Variants in OR4C6 observed in about 807,000 individuals in gnomAD.
OR4C6 encodes olfactory receptor 4C6.
In OR4C6, 20 loss-of-function variants were observed where a neutral mutation model predicts 13.9. The observed-to-expected ratio is 1.43, with a 90% CI of 1.01 to 2.08. The LOEUF is 2.08. Ranked by LOEUF, OR4C6 falls within the 30% of genes most tolerant of loss-of-function variation. The pLI, the probability that OR4C6 is intolerant of heterozygous loss-of-function variation, is 0.00. For synonymous variants in OR4C6, 193 were observed against 141.5 expected (o/e 1.36, Z -2.58); for missense variants, 555 against 381.2 (o/e 1.46, Z -3.80).
rs77687368 is a variant in OR4C6 at position 55,665,457 on chromosome 11, C to T, written c.291C>T (p.Thr97=). Residue 97 remains threonine (T), a synonymous_variant, in exon 2 of 2, where the codon ACC becomes ACT. Coordinates refer to ENST00000314259, the MANE Select transcript of OR4C6 (RefSeq NM_001004704.2). ...STTISLKGCL[T]QLFVEHFFGG... is the part of the protein sequence containing the mutation. Reference sequence around the variant, plus strand: ...CCATCTCTCTCAAAGGCTGCCTCACCCAGCTGTTTGTGGAGCATTTCTTTG... The same window carrying T: ...CCATCTCTCTCAAAGGCTGCCTCACTCAGCTGTTTGTGGAGCATTTCTTTG... 9.9e-4 allele frequency: 1,597 copies of T among 1,613,824 alleles called. 26 individuals carry two copies. In the African/African-American group the frequency reaches 0.019, roughly 19 times the overall value.
chr11:55,663,591 T>C lies in OR4C6; in HGVS notation c.-43+1343T>C, dbSNP rs530403875. On this transcript the variant is annotated intron_variant, in intron 1 of 1. Coordinates refer to ENST00000314259, the MANE Select transcript of OR4C6 (RefSeq NM_001004704.2). Reference sequence around the variant, plus strand: ...AGATGAGAAAACCAGGTTTCGGAGATGCCAGCAGCATGCTCAAATACAGAT... The same window carrying C: ...AGATGAGAAAACCAGGTTTCGGAGACGCCAGCAGCATGCTCAAATACAGAT... Among the ~76,000 whole-genome samples, 14 of 138,510 alleles carry C rather than the reference T, an allele frequency of 1.0e-4. 5 individuals are homozygous for C. Among genetic ancestry groups the C allele is most frequent in the Admixed American group, 3.9e-4 (5 of 12,800 alleles). The allele number at this position is 138,510 out of a possible 152,430, so 90.9% of individuals were successfully genotyped here.
In OR4C6 at chr11:55,663,936, TA is replaced by T. The variant is rs1351911950; in HGVS notation, c.-42-1188del. ...AGATGTGGCATCCAGGTCTGCTTTATAGTCCCTAGTAATATGAGGCATTCTT... is the reference window on the plus strand; with the variant it reads ...AGATGTGGCATCCAGGTCTGCTTTATGTCCCTAGTAATATGAGGCATTCTT... On this transcript the variant is annotated intron_variant, in intron 1 of 1. Transcript: ENST00000314259. Among the ~76,000 whole-genome samples, 5 of 138,402 alleles carry T rather than the reference TA, an allele frequency of 3.6e-5. 1 individual carries two copies. Among genetic ancestry groups the T allele is most frequent in the African/African-American group, 1.3e-4 (5 of 39,758 alleles). 90.8% of individuals were successfully genotyped at this position (138,402 alleles called of 152,430 possible).
In OR4C6 at chr11:55,665,790, C is replaced by CTTTCT. The variant is rs941159021; in HGVS notation, c.626_630dup (p.Ile211PhefsTer4). The CTTTCT allele has an allele frequency of 4.3e-6, 7 of 1,613,966 alleles. No individual in the cohort carries two copies. Among genetic ancestry groups the CTTTCT allele is most frequent in the Non-Finnish European group, 5.1e-6 (6 of 1,180,012 alleles). ...ACAGTGGGATGATGTGTGTGGCCATCTTTCTTATCTTAATTGCGTCCTACA... is the reference window on the plus strand; with the variant it reads ...ACAGTGGGATGATGTGTGTGGCCATCTTTCTTTTCTTATCTTAATTGCGTCCTACA... On this transcript the variant is annotated frameshift_variant, in exon 2 of 2. Transcript: ENST00000314259. LOFTEE classifies it high-confidence loss of function.
At chr11:55,664,854 T>A (rs1858715793) in intron 1 of OR4C6, among the ~76,000 whole-genome samples, 1 of 152,048 alleles carries the variant, frequency 6.6e-6, no homozygotes, top group East Asian at 1.9e-4. Flanking sequence ...AAAAAAGTTA[T>A]CTATTAATAA....
rs776795154 is a variant in OR4C6, at chr11:55,665,817, G to T, written c.651G>T (p.Thr217=). Reference sequence around the variant, plus strand: ...TTCTTATCTTAATTGCGTCCTACACGGTCATCCTATGCTCCCTGAAGTCTT... The same window carrying T: ...TTCTTATCTTAATTGCGTCCTACACTGTCATCCTATGCTCCCTGAAGTCTT... ...AIFLILIASY[T]VILCSLKSYS... Residue 217 remains threonine, a synonymous_variant, in exon 2 of 2, where the codon ACG becomes ACT. Coordinates refer to ENST00000314259, the MANE Select transcript of OR4C6 (RefSeq NM_001004704.2). The T allele has an allele frequency of 6.2e-7, 1 of 1,613,696 alleles. No individual in the cohort carries two copies. Among genetic ancestry groups the T allele is most frequent in the Non-Finnish European group, 8.5e-7 (1 of 1,180,012 alleles).
intron 1 of OR4C6, among the ~76,000 whole-genome samples, chr11:55,663,512 A>G (rs764088718): frequency 2.9e-5 from 4 of 138,658 alleles, no homozygotes; most frequent in Non-Finnish European, 4.8e-5. Flanking sequence ...TTGTGTTTGA[A>G]GAGGACAGAG....
intron 1 of OR4C6, among the ~76,000 whole-genome samples, chr11:55,664,758 C>T (rs1003762113): frequency 6.6e-5 from 10 of 151,860 alleles, no homozygotes; most frequent in African/African-American, 1.9e-4. Flanking sequence ...TATGAGAGTA[C>T]GTTCCTGTTT....
At chr11:55,664,571 G>T (rs1300603365) in intron 1 of OR4C6, among the ~76,000 whole-genome samples, 1 of 152,004 alleles carries the variant, frequency 6.6e-6, no homozygotes, top group South Asian at 2.1e-4. Flanking sequence ...AAGATAAGCA[G>T]GATAATAATT....
rs1040813190 is a variant in OR4C6 at position 55,664,151 on chromosome 11, G to A, written c.-42-974G>A. Among the ~76,000 whole-genome samples, 192 of 152,108 alleles carry A rather than the reference G, an allele frequency of 1.3e-3. 2 individuals are homozygous for A. The highest frequency in any genetic ancestry group is 1.5e-4 in the Non-Finnish European group (10 of 68,022). Reference sequence around the variant, plus strand: ...CCTAAGGGCTTTGGTCTCTCTTTACGATGGGAGTAGTATAGGTACCTACCT... The same window carrying A: ...CCTAAGGGCTTTGGTCTCTCTTTACAATGGGAGTAGTATAGGTACCTACCT... On this transcript the variant is annotated intron_variant, in intron 1 of 1. Transcript: ENST00000314259.
chr11:55,664,527 G>A lies in OR4C6; in HGVS notation c.-42-598G>A, dbSNP rs553500756. Among the ~76,000 whole-genome samples, 172 of 152,104 alleles carry A rather than the reference G, an allele frequency of 1.1e-3. 1 individual carries two copies. The highest frequency in any genetic ancestry group is 6.0e-3 in the South Asian group (29 of 4,822). On this transcript the variant is annotated intron_variant, in intron 1 of 1. Coordinates refer to ENST00000314259, the MANE Select transcript of OR4C6 (RefSeq NM_001004704.2). The stretch of plus-strand genomic sequence containing the variant: ...AAAAGAATCAATATTTTTTTAAAAA[G>A]CACAAGAATAACCTACTTCATCACA...
In OR4C6 at chr11:55,665,466, T is replaced by G. The variant is rs1252192459; in HGVS notation, c.300T>G (p.Phe100Leu). ...ISLKGCLTQL[F>L]VEHFFGGVGI... Reference sequence around the variant, plus strand: ...TCAAAGGCTGCCTCACCCAGCTGTTTGTGGAGCATTTCTTTGGTGGTGTGG... The same window carrying G: ...TCAAAGGCTGCCTCACCCAGCTGTTGGTGGAGCATTTCTTTGGTGGTGTGG... Residue 100 changes from phenylalanine (F) to leucine (L), a missense_variant, in exon 2 of 2, where the codon TTT becomes TTG. Physicochemically the swap from Phe to Leu is conservative, Grantham distance 22. Transcript: ENST00000314259. The G allele has an allele frequency of 6.2e-7, 1 of 1,613,922 alleles. No homozygotes were observed. The highest frequency in any genetic ancestry group is 8.5e-7 in the Non-Finnish European group (1 of 1,180,002).
chr11:55,664,756 T>A (rs773187739), intron 1 of OR4C6, among the ~76,000 whole-genome samples: 62 of 151,908 alleles, frequency 4.1e-4, no homozygotes, highest in Admixed American at 1.0e-3. Context: ...TGTATGAGAG[T>A]ACGTTCCTGT....
chr11:55,665,921 G>C lies in OR4C6; in HGVS notation c.755G>C (p.Cys252Ser). The C allele has an allele frequency of 6.2e-7, 1 of 1,613,880 alleles. No homozygotes were observed. Among genetic ancestry groups the C allele is most frequent in the Non-Finnish European group, 8.5e-7 (1 of 1,179,978 alleles). Reference protein sequence around the residue: ...LTVVVLFFVPCIFLYMRPVVT... With the variant: ...LTVVVLFFVPSIFLYMRPVVT... ...GTGGTTGTATTGTTCTTTGTCCCCT[G>C]TATTTTCTTGTACATGAGGCCTGTG... Residue 252 changes from cysteine (C) to serine (S), a missense_variant, in exon 2 of 2, where the codon TGT becomes TCT. By Grantham distance (112) the Cys-to-Ser change is moderately radical (BLOSUM62 -1). Coordinates refer to ENST00000314259, the MANE Select transcript of OR4C6 (RefSeq NM_001004704.2).
intron 1 of OR4C6, among the ~76,000 whole-genome samples, chr11:55,664,150 C>T (rs902836966): frequency 3.3e-5 from 5 of 152,082 alleles, no homozygotes; most frequent in South Asian, 2.1e-4. Flanking sequence ...TCTCTCTTTA[C>T]GATGGGAGTA....
chr11:55,664,456 G>C (rs1458125361), intron 1 of OR4C6, among the ~76,000 whole-genome samples: 2 of 151,836 alleles, frequency 1.3e-5, no homozygotes, highest in Non-Finnish European at 2.9e-5. Context: ...ACTACTTTTA[G>C]GTATATGATG....
chr11:55,665,506 A>C lies in OR4C6; in HGVS notation c.340A>C (p.Thr114Pro), dbSNP rs773752219. 6.2e-7 allele frequency: 1 copy of C among 1,613,460 alleles called. No homozygotes were observed. Among genetic ancestry groups the C allele is most frequent in the Admixed American group, 1.7e-5 (1 of 59,948 alleles). The change falls in exon 2 of 2, where the codon ACT becomes CCT. Residue 114 changes from threonine (T) to proline (P), a missense_variant. Coordinates refer to ENST00000314259, the MANE Select transcript of OR4C6 (RefSeq NM_001004704.2). ...FFGGVGIILL[T>P]VMAYDRYVAI... ...TGGTGGTGTGGGGATCATCCTCCTCACTGTGATGGCCTATGACCGCTACGT... is the reference window on the plus strand; with the variant it reads ...TGGTGGTGTGGGGATCATCCTCCTCCCTGTGATGGCCTATGACCGCTACGT...
chr11:55,666,013 T>A lies in OR4C6; in HGVS notation c.847T>A (p.Leu283Met), dbSNP rs1858747470. ...AATCATCACACCCATGTTAAATCCCTTGATCTATACACTGAGGAATGCAGA... is the reference window on the plus strand; with the variant it reads ...AATCATCACACCCATGTTAAATCCCATGATCTATACACTGAGGAATGCAGA... ...DSIITPMLNPLIYTLRNAEVK... is the reference protein window; with the variant it reads ...DSIITPMLNPMIYTLRNAEVK... The change falls in exon 2 of 2, where the codon TTG (leucine) becomes ATG (methionine). Residue 283 changes from leucine to methionine, a missense_variant. Coordinates refer to ENST00000314259, the MANE Select transcript of OR4C6 (RefSeq NM_001004704.2). 1.4e-5 allele frequency: 23 copies of A among 1,613,676 alleles called. No homozygotes were observed. The highest frequency in any genetic ancestry group is 1.9e-5 in the Non-Finnish European group (22 of 1,179,870).
Position 55,665,607 on chromosome 11 carries a change from G to C in OR4C6, c.441G>C (p.Trp147Cys). Residue 147 changes from tryptophan (W) to cysteine (C), a missense_variant, in exon 2 of 2, where the codon TGG (tryptophan) becomes TGC (cysteine). Coordinates refer to ENST00000314259, the MANE Select transcript of OR4C6 (RefSeq NM_001004704.2). Reference sequence around the variant, plus strand: ...GCTGCCTAATGGTAGGAGGGGCTTGGGTGGGGGGATTTATGCACGCAATGA... The same window carrying C: ...GCTGCCTAATGGTAGGAGGGGCTTGCGTGGGGGGATTTATGCACGCAATGA... ...RVCCLMVGGAWVGGFMHAMIQ... is the reference protein window; with the variant it reads ...RVCCLMVGGACVGGFMHAMIQ... 1.2e-6 allele frequency: 2 copies of C among 1,613,836 alleles called. No homozygotes were observed. Among genetic ancestry groups the C allele is most frequent in the Non-Finnish European group, 8.5e-7 (1 of 1,179,976 alleles).
chr11:55,665,788 A>T lies in OR4C6; in HGVS notation c.622A>T (p.Ile208Phe), dbSNP rs755820475. 1.1e-5 allele frequency: 17 copies of T among 1,613,938 alleles called. No homozygotes were observed. Among genetic ancestry groups the T allele is most frequent in the Non-Finnish European group, 1.4e-5 (17 of 1,180,002 alleles). ...CAACAGTGGGATGATGTGTGTGGCC[A>T]TCTTTCTTATCTTAATTGCGTCCTA... Reference protein sequence around the residue: ...TLNSGMMCVAIFLILIASYTV... With the variant: ...TLNSGMMCVAFFLILIASYTV... The change falls in exon 2 of 2, where the codon ATC becomes TTC. Residue 208 changes from isoleucine (I) to phenylalanine (F), a missense_variant. Physicochemically the swap from Ile to Phe is conservative, Grantham distance 21 (BLOSUM62 0). Transcript: ENST00000314259.
Sources: allele counts gnomAD v4.1 joint callset (sites outside exome capture counted in the v4.1 genomes callset), GRCh38; gene constraint gnomAD v4.1.1; transcripts MANE v1.5; gene names NCBI Gene and HGNC (gene_info 2026-07-23, HGNC 2026-07-21).